Variants in ATP10A observed in about 807,000 individuals in gnomAD.
ATP10A encodes the protein phospholipid-transporting ATPase VA.
A neutral mutation model predicts 147.8 loss-of-function variants in ATP10A; 111 were observed. The observed-to-expected ratio is 0.75, with a 90% CI of 0.64 to 0.88. ATP10A has a LOEUF of 0.88. Among genes scored for constraint, ATP10A ranks in the 40% least tolerant of loss-of-function variants. The pLI is 0.00. For missense variants in ATP10A, 1,927 were observed against 1,959.0 expected (o/e 0.98, Z 0.31); for synonymous variants, 875 against 841.6 (o/e 1.04, Z -0.69).
chr15:25,815,180 A>T (rs1188493566), intron 1 of ATP10A, among the ~76,000 whole-genome samples: 2 of 152,218 alleles, frequency 1.3e-5, no homozygotes, highest in East Asian at 1.9e-4. Context: ...ATTCTCCATC[A>T]TAAGAAAAAC....
At chr15:25,787,258 T>C (rs1890214702) in intron 1 of ATP10A, among the ~76,000 whole-genome samples, 1 of 152,146 alleles carries the variant, frequency 6.6e-6, no homozygotes, top group Non-Finnish European at 1.5e-5. Flanking sequence ...CTTCCATTTT[T>C]CCCTTTAAAA....
intron 2 of ATP10A, among the ~76,000 whole-genome samples, chr15:25,753,492 A>T (rs1888258694): frequency 6.6e-6 from 1 of 151,992 alleles, no homozygotes; most frequent in East Asian, 1.9e-4. Context: ...TCATCTGTTG[A>T]TGGACACTTA....
At chr15:25,765,799 C>T (rs11631903) in intron 2 of ATP10A, among the ~76,000 whole-genome samples, 59,426 of 152,036 alleles carry the variant, frequency 0.39, 12,673 homozygotes, top group Non-Finnish European at 0.48. Context: ...CTCCTGGTGC[C>T]GGTCTCACCT....
Position 25,691,745 on chromosome 15 carries a change from A to G in ATP10A, c.3135T>C (p.Gly1045=). ...TACCCTCCTGGCCGGAGATTCCCAC[A>G]CCCACATCTGCCACCTGGATCATGC... is the stretch of plus-strand genomic sequence containing the variant. ...DVSMIQVADV[G]VGISGQEGMQ... Residue 1045 remains glycine (G), a synonymous_variant, in exon 15 of 21, where the codon GGT becomes GGC. Coordinates refer to ENST00000555815, the MANE Select transcript of ATP10A (RefSeq NM_024490.4). 4.3e-6 allele frequency: 7 copies of G among 1,614,144 alleles called. No homozygotes were observed. Among genetic ancestry groups the G allele is most frequent in the Non-Finnish European group, 5.9e-6 (7 of 1,180,030 alleles).
At chr15:25,707,397 A>T (rs1445817758) in intron 12 of ATP10A, among the ~76,000 whole-genome samples, 1 of 152,220 alleles carries the variant, frequency 6.6e-6, no homozygotes. Context: ...GTATACAATG[A>T]CTTGGCTATT....
intron 2 of ATP10A, among the ~76,000 whole-genome samples, chr15:25,739,047 C>A (rs574588791): frequency 6.6e-6 from 1 of 152,056 alleles, no homozygotes; most frequent in South Asian, 2.1e-4. Context: ...TCTATAGAAA[C>A]GTCCCCCAAA....
At chr15:25,763,546 C>T (rs998957863) in intron 2 of ATP10A, among the ~76,000 whole-genome samples, 7 of 152,088 alleles carry the variant, frequency 4.6e-5, no homozygotes, top group East Asian at 1.9e-4. Context: ...ACAGGGTGCC[C>T]GGATTAAAGA....
At chr15:25,795,122 GTGT>G in intron 1 of ATP10A, among the ~76,000 whole-genome samples, 1 of 152,148 alleles carries the variant, frequency 6.6e-6, no homozygotes. Flanking sequence ...TGGGAAAATT[GTGT>G]AGGTTACAAC....
chr15:25,673,487 ATGTGTCCTCACATG>A (rs201691177), downstream of ATP10A, among the ~76,000 whole-genome samples: 2,132 of 152,236 alleles, frequency 0.014, 20 homozygotes, highest in Non-Finnish European at 0.022. Flanking sequence ...AACTACTCTA[ATGTGTCCTCACATG>A]TGTGGCCACA....
intron 1 of ATP10A, among the ~76,000 whole-genome samples, chr15:25,833,897 G>A (rs763502248): frequency 7.9e-5 from 12 of 152,044 alleles, no homozygotes; most frequent in South Asian, 2.1e-4. Context: ...GAGTGAACCC[G>A]GGAGGCGGAG....
intron 2 of ATP10A, among the ~76,000 whole-genome samples, chr15:25,742,968 G>A (rs75937454): frequency 0.018 from 2,764 of 152,336 alleles, 85 homozygotes; most frequent in East Asian, 0.092. Flanking sequence ...GGGGGTGATG[G>A]TGTGAGCAGA....
chr15:25,795,633 A>T (rs925008415), intron 1 of ATP10A, among the ~76,000 whole-genome samples: 1 of 152,206 alleles, frequency 6.6e-6, no homozygotes, highest in African/African-American at 2.4e-5. Flanking sequence ...AGGTACTAGC[A>T]CTAAGACATC....
upstream of ATP10A, among the ~76,000 whole-genome samples, chr15:25,864,397 G>A (rs1470209578): frequency 6.6e-6 from 1 of 152,178 alleles, no homozygotes; most frequent in Non-Finnish European, 1.5e-5. Flanking sequence ...GCGGTTGGCC[G>A]TGGCCCCAGG....
chr15:25,832,981 C>A (rs1445072498), intron 1 of ATP10A, among the ~76,000 whole-genome samples: 2 of 124,200 alleles, frequency 1.6e-5, no homozygotes, highest in South Asian at 2.8e-4. Context: ...CTATTTTATT[C>A]TTTTTTTTTT....
intron 12 of ATP10A, among the ~76,000 whole-genome samples, chr15:25,705,450 A>AAC (rs1900923759): frequency 8.4e-5 from 1 of 11,922 alleles, no homozygotes; most frequent in East Asian, 2.3e-3. Flanking sequence ...CAAAAAAAAA[A>AAC]AAACAAAAAA....
chr15:25,786,239 G>T (rs1349509196), intron 1 of ATP10A, among the ~76,000 whole-genome samples: 1 of 152,172 alleles, frequency 6.6e-6, no homozygotes, highest in Non-Finnish European at 1.5e-5. Flanking sequence ...CAGGGTTCCT[G>T]GGTGCCTGCC....
At chr15:25,683,843 G>C (rs1310624896) in intron 16 of ATP10A, 3 of 235,846 alleles carry the variant, frequency 1.3e-5, no homozygotes, top group Non-Finnish European at 2.5e-5. Context: ...CATTTCAAGA[G>C]GGCCAGTTGA....
rs77350733 is a variant in ATP10A at position 25,788,738 on chromosome 15, G to A, written c.450-7515C>T. The stretch of plus-strand genomic sequence containing the variant: ...TAGAAAGATGGTAAGATTGCTTACA[G>A]GATTTCCATGAAATGGAGAACACAG... On this transcript the variant is annotated intron_variant, in intron 1 of 20. Transcript: ENST00000555815. 6.3e-3 allele frequency among the ~76,000 whole-genome samples: 960 copies of A among 152,320 alleles called. 16 individuals carry two copies. Among genetic ancestry groups the A allele is most frequent in the East Asian group, 0.029 (153 of 5,190 alleles).
chr15:25,808,087 T>C (rs1891276908), intron 1 of ATP10A, among the ~76,000 whole-genome samples: 1 of 152,246 alleles, frequency 6.6e-6, no homozygotes, highest in Admixed American at 6.5e-5. Context: ...AACTCTTTGT[T>C]TTCATGCTGG....
Sources: gnomAD v4.1 joint callset for allele counts (sites outside exome capture counted in the v4.1 genomes callset) on GRCh38, gnomAD v4.1.1 for gene constraint, MANE v1.5 for transcripts, NCBI Gene and HGNC (gene_info 2026-07-23, HGNC 2026-07-21) for gene names.